Variants in DIP2C observed in about 807,000 individuals in gnomAD.
DIP2C encodes disco-interacting protein 2 homolog C.
Under a neutral mutation model 192.4 loss-of-function variants are expected in DIP2C, and 33 were observed. The ratio of observed to expected loss-of-function variants is 0.17; its 90% CI spans 0.13 to 0.23. DIP2C has a LOEUF of 0.23. Among genes scored for constraint, DIP2C ranks in the 10% least tolerant of loss-of-function variants. The pLI is 1.00. For synonymous variants in DIP2C, 979 were observed against 864.1 expected (o/e 1.13, Z -2.33); for missense variants, 1,537 against 2,110.1 (o/e 0.73, Z 5.32).
intron 1 of DIP2C, among the ~76,000 whole-genome samples, chr10:561,945 G>A (rs991422896): frequency 3.9e-5 from 6 of 152,364 alleles, no homozygotes; most frequent in Admixed American, 1.3e-4. Flanking sequence ...CGGCTCCGCT[G>A]AGACCCTCCT....
chr10:454,395 T>C (rs1343616610), intron 3 of DIP2C, among the ~76,000 whole-genome samples: 1 of 152,118 alleles, frequency 6.6e-6, no homozygotes, highest in African/African-American at 2.4e-5. Flanking sequence ...AGGGATAAAG[T>C]ACTAAAAAGG....
chr10:656,868 C>T (rs1464302088), intron 1 of DIP2C, among the ~76,000 whole-genome samples: 1 of 152,158 alleles, frequency 6.6e-6, no homozygotes, highest in South Asian at 2.1e-4. Context: ...CACAGAAAGG[C>T]AGAGGTGACT....
chr10:479,513 T>C (rs1843430000), intron 2 of DIP2C, among the ~76,000 whole-genome samples: 1 of 152,002 alleles, frequency 6.6e-6, no homozygotes, highest in South Asian at 2.1e-4. Context: ...TTTAATATTT[T>C]TTAGTAGAGA....
At chr10:384,201 T>A (rs1000504306) in intron 15 of DIP2C, 55 bp from the exon 16 acceptor site, 8 of 1,592,378 alleles carry the variant, frequency 5.0e-6, no homozygotes, top group South Asian at 3.4e-5. Context: ...TCGTCCCCTA[T>A]TGCAAAAGAG....
intron 29 of DIP2C, among the ~76,000 whole-genome samples, chr10:333,104 T>C (rs961552460): frequency 2.0e-5 from 3 of 152,192 alleles, no homozygotes; most frequent in African/African-American, 7.2e-5. Flanking sequence ...GGTTTCATCA[T>C]GTTGGCCAGG....
intron 10 of DIP2C, among the ~76,000 whole-genome samples, chr10:397,313 T>C (rs1235506295): frequency 6.6e-6 from 1 of 152,160 alleles, no homozygotes; most frequent in Non-Finnish European, 1.5e-5. Context: ...GCAGATCACC[T>C]GAGGTCAGGA....
intron 1 of DIP2C, among the ~76,000 whole-genome samples, chr10:526,780 T>C (rs772923216): frequency 6.6e-6 from 1 of 152,212 alleles, no homozygotes; most frequent in Non-Finnish European, 1.5e-5. Flanking sequence ...GCCTCAGCAC[T>C]GTGTGCCTCT....
intron 1 of DIP2C, among the ~76,000 whole-genome samples, chr10:584,074 C>T (rs983834280): frequency 6.6e-6 from 1 of 152,174 alleles, no homozygotes; most frequent in Non-Finnish European, 1.5e-5. Flanking sequence ...TCCCTGCATC[C>T]CTTCAGCACT....
At chr10:520,567 C>G (rs898778370) in intron 1 of DIP2C, among the ~76,000 whole-genome samples, 24 of 152,200 alleles carry the variant, frequency 1.6e-4, no homozygotes, top group Non-Finnish European at 3.1e-4. Context: ...TGAACCCTTT[C>G]TCACTCACTG....
At chr10:526,530 CAAAAA>C (rs11298752) in intron 1 of DIP2C, among the ~76,000 whole-genome samples, 94 of 139,056 alleles carry the variant, frequency 6.8e-4, no homozygotes, top group African/African-American at 2.5e-3. Flanking sequence ...CCTACCCCAC[CAAAAA>C]AAAAAAAAAA....
At chr10:426,828 A>G (rs1020229444) in intron 4 of DIP2C, among the ~76,000 whole-genome samples, 1 of 152,216 alleles carries the variant, frequency 6.6e-6, no homozygotes, top group African/African-American at 2.4e-5. Context: ...CATGGGGGAA[A>G]AAATCCCCCA....
intron 1 of DIP2C, among the ~76,000 whole-genome samples, chr10:578,878 C>G (rs553892375): frequency 1.1e-4 from 17 of 151,994 alleles, no homozygotes; most frequent in African/African-American, 3.9e-4. Context: ...CACACATGTA[C>G]GTGCATAGAG....
intron 1 of DIP2C, among the ~76,000 whole-genome samples, chr10:642,022 C>CA (rs1340863114): frequency 6.6e-6 from 1 of 151,858 alleles, no homozygotes; most frequent in Non-Finnish European, 1.5e-5. Context: ...GACCCTGTAT[C>CA]AAAAAAAGGA....
intron 3 of DIP2C, among the ~76,000 whole-genome samples, chr10:444,021 C>T (rs747809265): frequency 1.1e-4 from 16 of 152,322 alleles, no homozygotes; most frequent in Non-Finnish European, 2.4e-4. Flanking sequence ...CATCCCCTCC[C>T]GGTCAATCCT....
At chr10:420,856 C>T (rs1423731498) in intron 5 of DIP2C, among the ~76,000 whole-genome samples, 1 of 152,142 alleles carries the variant, frequency 6.6e-6, no homozygotes, top group Admixed American at 6.5e-5. Context: ...GCCTCTGCAG[C>T]CTCCACTTCT....
rs374208316 is a variant in DIP2C, at chr10:436,431, C to T, written c.394+4440G>A. 5.3e-5 allele frequency among the ~76,000 whole-genome samples: 8 copies of T among 152,328 alleles called. No individual in the cohort carries two copies. In the South Asian group the frequency reaches 1.4e-3, roughly 28 times the overall value. ...ATGGGTGGAGAGCTCCAGTCCTGCA[C>T]CCACTCCGATCTCCGCCTCCTGGAC... On this transcript the variant is annotated intron_variant, in intron 4 of 36. Transcript: ENST00000280886.
At chr10:333,092 G>A (rs961993160) in intron 29 of DIP2C, among the ~76,000 whole-genome samples, 6 of 152,104 alleles carry the variant, frequency 3.9e-5, no homozygotes, top group South Asian at 4.2e-4. Context: ...TAGCAGAGAC[G>A]AGGTTTCATC....
intron 1 of DIP2C, chr10:650,271 A>G (rs1855775289): frequency 4.2e-6 from 3 of 716,944 alleles, no homozygotes; most frequent in Non-Finnish European, 7.8e-6. Flanking sequence ...GAGGTGACAC[A>G]GCACTGGATG....
chr10:513,498 G>A (rs563613642), intron 1 of DIP2C, among the ~76,000 whole-genome samples: 171 of 152,100 alleles, frequency 1.1e-3, no homozygotes, highest in African/African-American at 2.2e-3. Flanking sequence ...GCCACACCAC[G>A]GCCCGTGGCT....
Sources: allele counts gnomAD v4.1 joint callset (sites outside exome capture counted in the v4.1 genomes callset), GRCh38; gene constraint gnomAD v4.1.1; transcripts MANE v1.5; gene names NCBI Gene and HGNC (gene_info 2026-07-23, HGNC 2026-07-21).